The following ANO10 variants were observed in gnomAD, a reference collection of about 807,000 sequenced individuals.
ANO10 encodes the protein anoctamin-10.
In ANO10, 77 loss-of-function variants were observed where a neutral mutation model predicts 74.7. The observed-to-expected ratio is 1.03, with a 90% CI of 0.86 to 1.25. The LOEUF is 1.25. Ranked by LOEUF, ANO10 falls within the 50% of genes most tolerant of loss-of-function variation. The pLI is 0.00. For missense variants in ANO10, 721 were observed against 778.1 expected (o/e 0.93, Z 0.87); for synonymous variants, 279 against 284.9 (o/e 0.98, Z 0.21).
At chr3:43,396,960 G>A (rs1188442594) in intron 12 of ANO10, among the ~76,000 whole-genome samples, 6 of 149,238 alleles carry the variant, frequency 4.0e-5, no homozygotes, top group Non-Finnish European at 8.9e-5. Context: ...ATGGAGTTTC[G>A]CTCTTGTTGC....
intron 1 of ANO10, among the ~76,000 whole-genome samples, chr3:43,671,412 T>C (rs2084058058): frequency 1.3e-5 from 2 of 152,062 alleles, no homozygotes; most frequent in Admixed American, 1.3e-4. Flanking sequence ...CCTCCAATGG[T>C]GCATGCCCGG....
At chr3:43,373,175 T>A (rs1313564619) in intron 12 of ANO10, among the ~76,000 whole-genome samples, 2 of 151,594 alleles carry the variant, frequency 1.3e-5, no homozygotes, top group African/African-American at 4.9e-5. Context: ...AAGGGGTGGG[T>A]GGCAGAAATC....
chr3:43,565,822 CG>C, intron 7 of ANO10, 95 bp from the exon 8 acceptor site: 4 of 1,362,354 alleles, frequency 2.9e-6, no homozygotes, highest in Non-Finnish European at 4.0e-6. Flanking sequence ...GTAATGGGAG[CG>C]GGGAGGAGCC....
At chr3:43,485,825 G>A in intron 11 of ANO10, 1 of 281,744 alleles carries the variant, frequency 3.5e-6, no homozygotes, top group Non-Finnish European at 7.0e-6. Context: ...GCATTCCGGG[G>A]TGTGCAGGCA....
chr3:43,469,093 A>G (rs1254248066), intron 11 of ANO10, among the ~76,000 whole-genome samples: 1 of 130,474 alleles, frequency 7.7e-6, no homozygotes, highest in Non-Finnish European at 1.5e-5. Flanking sequence ...CACAGGCTAC[A>G]GTGCAATGGC....
intron 11 of ANO10, among the ~76,000 whole-genome samples, chr3:43,484,710 C>T (rs1168082931): frequency 2.0e-5 from 3 of 152,110 alleles, no homozygotes; most frequent in Admixed American, 6.5e-5. Context: ...GGGGGTATAA[C>T]GAGGTATGTC....
intron 11 of ANO10, among the ~76,000 whole-genome samples, chr3:43,548,421 C>T (rs2079299505): frequency 6.6e-6 from 1 of 152,186 alleles, no homozygotes; most frequent in South Asian, 2.1e-4. Flanking sequence ...AAATAGACTA[C>T]TTGTATCTGT....
rs556549778 is a variant in ANO10 at position 43,366,831 on chromosome 3, A to AC, written c.*74dup. ...CAGGAGCCACGATGCTGCCCCGGGT[A>AC]CCCCCCCTGCCACCGTGGCAGGTGT... On this transcript the variant is annotated 3_prime_UTR_variant, in exon 13 of 13. Coordinates refer to ENST00000292246, the MANE Select transcript of ANO10 (RefSeq NM_018075.5). 214 of 1,438,650 alleles carry AC rather than the reference A, an allele frequency of 1.5e-4. No individual in the cohort carries two copies. In the East Asian group the frequency reaches 2.3e-3, roughly 15 times the overall value. The allele number at this position is 1,438,650 out of a possible 1,614,324, so 89.1% of individuals were successfully genotyped here. A position where few individuals can be genotyped will look rare whatever the true frequency, so the allele number is the denominator to read the frequency against.
intron 12 of ANO10, among the ~76,000 whole-genome samples, chr3:43,431,605 C>T (rs940632203): frequency 6.6e-6 from 1 of 151,974 alleles, no homozygotes; most frequent in Non-Finnish European, 1.5e-5. Flanking sequence ...AGTGAACTTG[C>T]CCAACCTCTA....
In ANO10 at chr3:43,576,798, A is replaced by G. The variant is rs2081018693; in HGVS notation, c.1056T>C (p.Ser352=). 1 of 1,614,092 alleles carries G rather than the reference A, an allele frequency of 6.2e-7. No homozygotes were observed. The highest frequency in any genetic ancestry group is 1.1e-5 in the South Asian group (1 of 91,090). Residue 352 remains serine (S), a synonymous_variant, in exon 6 of 13, where the codon TCT becomes TCC. Coordinates refer to ENST00000292246, the MANE Select transcript of ANO10 (RefSeq NM_018075.5). ...WALGLHENSG[S]EWTSVLLYVP... ...CATACAACAGGACACTGGTCCACTC[A>G]GACCCGCTGTTCTCATGTAGACCCA...
At chr3:43,673,960 GAA>G (rs2084090619) in intron 1 of ANO10, among the ~76,000 whole-genome samples, 1 of 152,146 alleles carries the variant, frequency 6.6e-6, no homozygotes, top group South Asian at 2.1e-4. Context: ...TAATAAGTCA[GAA>G]AAGTCACATA....
intron 12 of ANO10, among the ~76,000 whole-genome samples, chr3:43,416,817 T>C (rs1393503028): frequency 6.6e-6 from 1 of 152,182 alleles, no homozygotes; most frequent in Non-Finnish European, 1.5e-5. Flanking sequence ...GAGATTATTG[T>C]CAATCATCAA....
chr3:43,429,288 G>C (rs1028958293), intron 12 of ANO10, among the ~76,000 whole-genome samples: 3 of 152,058 alleles, frequency 2.0e-5, no homozygotes, highest in African/African-American at 7.2e-5. Context: ...CTCTCAAGAA[G>C]AATCCTTTCC....
intron 12 of ANO10, among the ~76,000 whole-genome samples, chr3:43,405,354 A>G (rs889718989): frequency 2.0e-5 from 3 of 152,350 alleles, no homozygotes; most frequent in East Asian, 1.9e-4. Context: ...AGGAGGGCAG[A>G]AGTGATGTGA....
In ANO10 at chr3:43,598,522, A is replaced by G. The variant is rs756651899; in HGVS notation, c.472+10T>C. On this transcript the variant is annotated intron_variant, in intron 4 of 12. Coordinates refer to ENST00000292246, the MANE Select transcript of ANO10 (RefSeq NM_018075.5). ...TATTAAGAAAAAGACTGGTTGACAT[A>G]ATGACTTACACAATGATTTTCCTGG... 6.2e-7 allele frequency: 1 copy of G among 1,612,462 alleles called. No homozygotes were observed.
chr3:43,630,210 T>C (rs1383004634), intron 1 of ANO10, among the ~76,000 whole-genome samples: 1 of 152,224 alleles, frequency 6.6e-6, no homozygotes, highest in African/African-American at 2.4e-5. Context: ...AGGATGAACA[T>C]ATTTGTCCTA....
intron 1 of ANO10, among the ~76,000 whole-genome samples, chr3:43,684,131 G>C (rs2084241516): frequency 6.6e-6 from 1 of 152,128 alleles, no homozygotes; most frequent in South Asian, 2.1e-4. Flanking sequence ...ACTACCATTA[G>C]AGTGAACAGG....
Position 43,577,023 on chromosome 3 carries a change from C to CAG in ANO10, c.830_831insCT (p.Met277IlefsTer2). ...GCCGGGGCTCCTCAAACTTTCTCTT[C>CAG]ATGAGCAGTGTCCCCCACCTGTAGG... On this transcript the variant is annotated frameshift_variant, in exon 6 of 13. Transcript: ENST00000292246. LOFTEE classifies it high-confidence loss of function. The CAG allele has an allele frequency of 6.2e-7, 1 of 1,614,140 alleles. No homozygotes were observed. Among genetic ancestry groups the CAG allele is most frequent in the Non-Finnish European group, 8.5e-7 (1 of 1,179,988 alleles).
intron 11 of ANO10, among the ~76,000 whole-genome samples, chr3:43,476,488 G>C (rs1176643873): frequency 6.6e-6 from 1 of 152,140 alleles, no homozygotes; most frequent in Non-Finnish European, 1.5e-5. Flanking sequence ...ACATTGGCTG[G>C]TTCTTGGTGT....
Sources: gnomAD v4.1 joint callset for allele counts (sites outside exome capture counted in the v4.1 genomes callset) on GRCh38, gnomAD v4.1.1 for gene constraint, MANE v1.5 for transcripts, NCBI Gene and HGNC (gene_info 2026-07-23, HGNC 2026-07-21) for gene names.